FAP: variants seen among roughly 807,000 people sequenced by gnomAD.
The protein encoded by FAP is prolyl endopeptidase FAP.
In FAP, 110 loss-of-function variants were observed where a neutral mutation model predicts 126.5. The ratio of observed to expected loss-of-function variants is 0.87; its 90% CI spans 0.74 to 1.02. The LOEUF (loss-of-function observed/expected upper bound fraction) is 1.02. Ranked by LOEUF, FAP falls within the 50% of genes least tolerant of loss-of-function variation. FAP has a pLI of 0.00. For synonymous variants in FAP, 334 were observed against 297.3 expected (o/e 1.12, Z -1.27); for missense variants, 919 against 909.2 (o/e 1.01, Z -0.14).
intron 17 of FAP, among the ~76,000 whole-genome samples, chr2:162,190,139 T>C (rs1406702048): frequency 2.0e-5 from 3 of 152,072 alleles, no homozygotes; most frequent in Non-Finnish European, 4.4e-5. Flanking sequence ...GGAAATACAA[T>C]CTGGATTGCT....
At chr2:162,242,045 C>T (rs541832157) in intron 2 of FAP, among the ~76,000 whole-genome samples, 1 of 152,232 alleles carries the variant, frequency 6.6e-6, no homozygotes, top group South Asian at 2.1e-4. Context: ...CAAGATATTT[C>T]CCACATTTGT....
At chr2:162,195,165 G>T in intron 16 of FAP, 1 of 197,530 alleles carries the variant, frequency 5.1e-6, no homozygotes, top group Non-Finnish European at 1.0e-5. Flanking sequence ...TTGGTTCAAT[G>T]TTCAGCTTAT....
At chr2:162,238,022 T>C (rs1690206092) in intron 2 of FAP, among the ~76,000 whole-genome samples, 1 of 151,916 alleles carries the variant, frequency 6.6e-6, no homozygotes, top group Non-Finnish European at 1.5e-5. Context: ...GTTCATGTCG[T>C]TTGCCCACTT....
Position 162,200,557 on chromosome 2 carries a change from A to G in FAP, c.1277+9T>C. On this transcript the variant is annotated intron_variant, in intron 15 of 25. Transcript: ENST00000188790. Reference sequence around the variant, plus strand: ...CATAGAAATACCAGAATGAATGGACATAAATTACCTGTAGATGTTTCTTCT... The same window carrying G: ...CATAGAAATACCAGAATGAATGGACGTAAATTACCTGTAGATGTTTCTTCT... 1 of 1,461,078 alleles carries G rather than the reference A, an allele frequency of 6.8e-7. No homozygotes were observed. Among genetic ancestry groups the G allele is most frequent in the Non-Finnish European group, 9.5e-7 (1 of 1,056,114 alleles). The allele number at this position is 1,461,078 out of a possible 1,614,324, so 90.5% of individuals were successfully genotyped here. A position where few individuals can be genotyped will look rare whatever the true frequency, so the allele number is the denominator to read the frequency against.
chr2:162,202,686 G>A (rs1688542004), intron 14 of FAP, among the ~76,000 whole-genome samples, 186 bp downstream of exon 14: 2 of 152,082 alleles, frequency 1.3e-5, no homozygotes, highest in South Asian at 4.1e-4. Flanking sequence ...CCTACTGAAG[G>A]CTTTTTTCCA....
chr2:162,206,816 T>C (rs1450695998), intron 12 of FAP, among the ~76,000 whole-genome samples: 1 of 152,188 alleles, frequency 6.6e-6, no homozygotes, highest in African/African-American at 2.4e-5. Context: ...GATGTGTCAG[T>C]GCTGGAGGAA....
intron 2 of FAP, among the ~76,000 whole-genome samples, chr2:162,236,513 C>T (rs1690136538): frequency 6.6e-6 from 1 of 151,426 alleles, no homozygotes; most frequent in African/African-American, 2.4e-5. Context: ...TATAGCACCA[C>T]TCATGTTTTC....
intron 16 of FAP, 195 bp downstream of exon 16, chr2:162,198,562 T>C (rs1688355961): frequency 1.3e-6 from 1 of 795,812 alleles, no homozygotes; most frequent in Admixed American, 3.0e-5. Context: ...CCAAACTCTG[T>C]TTCCTCAGTT....
intron 21 of FAP, among the ~76,000 whole-genome samples, chr2:162,181,064 T>C (rs1179074466): frequency 6.6e-6 from 1 of 152,064 alleles, no homozygotes; most frequent in African/African-American, 2.4e-5. Context: ...TGCTTGAGCC[T>C]AGGGGTTTGA....
chr2:162,223,289 T>C (rs1689491541), intron 6 of FAP, among the ~76,000 whole-genome samples: 1 of 152,170 alleles, frequency 6.6e-6, no homozygotes, highest in Non-Finnish European at 1.5e-5. Flanking sequence ...GTGTCTCATT[T>C]CCAAGAATGT....
chr2:162,184,513 C>G (rs143752796), intron 20 of FAP, among the ~76,000 whole-genome samples: 1 of 152,268 alleles, frequency 6.6e-6, no homozygotes, highest in African/African-American at 2.4e-5. Context: ...TGCACGTTTC[C>G]GATGCATAGA....
chr2:162,210,580 A>G (rs1295993392), intron 11 of FAP, among the ~76,000 whole-genome samples: 1 of 152,144 alleles, frequency 6.6e-6, no homozygotes, highest in Non-Finnish European at 1.5e-5. Flanking sequence ...TGACTACAGG[A>G]AAGAGTTAGA....
chr2:162,174,603 G>C (rs1328696069), intron 22 of FAP, among the ~76,000 whole-genome samples: 1 of 152,176 alleles, frequency 6.6e-6, no homozygotes, highest in African/African-American at 2.4e-5. Flanking sequence ...TGATTTTAAA[G>C]ATTTGGTTCG....
intron 20 of FAP, among the ~76,000 whole-genome samples, chr2:162,186,965 A>G (rs1304761586): frequency 2.6e-5 from 4 of 152,242 alleles, no homozygotes; most frequent in East Asian, 3.9e-4. Context: ...GAGCTTCCAG[A>G]AATTGAGTGA....
In FAP at chr2:162,213,381, AAAAC is replaced by A. The variant is rs1304143756; in HGVS notation, c.1002+553_1002+556del. Among the ~76,000 whole-genome samples, 7 of 151,678 alleles carry A rather than the reference AAAAC, an allele frequency of 4.6e-5. No homozygotes were observed. In the East Asian group the frequency reaches 1.4e-3, roughly 29 times the overall value. ...CAGAGCGAGACGCCATCTCAAAAAAAAAACAAAAAACAAAAAAACAAACAAAAAA... is the reference window on the plus strand; with the variant it reads ...CAGAGCGAGACGCCATCTCAAAAAAAAAAAAACAAAAAAACAAACAAAAAA... On this transcript the variant is annotated intron_variant, in intron 11 of 25. Transcript: ENST00000188790.
At chr2:162,202,226 A>T in intron 14 of FAP, among the ~76,000 whole-genome samples, 1 of 152,246 alleles carries the variant, frequency 6.6e-6, no homozygotes, top group East Asian at 1.9e-4. Flanking sequence ...TGGTTTATTT[A>T]AATAGTATGC....
intron 21 of FAP, among the ~76,000 whole-genome samples, chr2:162,178,442 T>G (rs1687563222): frequency 6.6e-6 from 1 of 152,148 alleles, no homozygotes. Flanking sequence ...ACAGCATCCC[T>G]GGCCTCTACC....
chr2:162,184,628 A>C (rs965202270), intron 20 of FAP, among the ~76,000 whole-genome samples: 4 of 152,234 alleles, frequency 2.6e-5, no homozygotes, highest in African/African-American at 9.6e-5. Flanking sequence ...CAGAGAAGAA[A>C]TGCAGTAGCA....
intron 17 of FAP, among the ~76,000 whole-genome samples, chr2:162,192,423 C>G (rs977041714): frequency 6.6e-5 from 10 of 151,940 alleles, no homozygotes; most frequent in African/African-American, 2.4e-4. Flanking sequence ...CAAGTTTATC[C>G]CCCTCCTTCT....
Sources: allele counts gnomAD v4.1 joint callset (sites outside exome capture counted in the v4.1 genomes callset), GRCh38; gene constraint gnomAD v4.1.1; transcripts MANE v1.5; gene names NCBI Gene and HGNC (gene_info 2026-07-23, HGNC 2026-07-21).